BMP2K: variants seen among roughly 807,000 people sequenced by gnomAD.
The protein encoded by BMP2K is BMP-2-inducible protein kinase.
In BMP2K, 74 loss-of-function variants were observed where a neutral mutation model predicts 116.0. That is an observed-to-expected ratio of 0.64 (90% CI 0.53 to 0.77). The LOEUF (loss-of-function observed/expected upper bound fraction) is 0.77, where lower values mean the gene tolerates loss of function less well. BMP2K is among the 30% of genes least tolerant of loss of function. The probability of loss-of-function intolerance (pLI) is 0.00; values close to 1 mark genes in which losing one functional copy is unlikely to be tolerated. For missense variants in BMP2K, 1,365 were observed against 1,403.6 expected (o/e 0.97, Z 0.44); for synonymous variants, 486 against 502.5 (o/e 0.97, Z 0.44).
At chr4:78,796,096 G>A (rs1440644891) in intron 1 of BMP2K, among the ~76,000 whole-genome samples, 1 of 152,142 alleles carries the variant, frequency 6.6e-6, no homozygotes, top group Admixed American at 6.6e-5. Context: ...GCACACGTAT[G>A]TTTATCGCAG....
At position 78,870,925 on chromosome 4, in the gene BMP2K, T is replaced by C. The variant is rs1560537915; in HGVS notation, c.1374T>C (p.Pro458=). The C allele has an allele frequency of 1.2e-6, 2 of 1,608,554 alleles. No homozygotes were observed. Among genetic ancestry groups the C allele is most frequent in the South Asian group, 2.2e-5 (2 of 90,956 alleles). The change falls in exon 11 of 16, where the codon CCT becomes CCC. Residue 458 remains proline, a synonymous_variant. Coordinates refer to ENST00000502613, the MANE Select transcript of BMP2K (RefSeq NM_198892.2). ...AACTCCATTTACAGCATCGTCATCC[T>C]CACCAGCAGCAGCAGCAGCAGCAGC... The part of the protein sequence containing the change: ...LQQLHLQHRH[P]HQQQQQQQQQ...
At chr4:78,851,838 TA>T (rs1327101084) in intron 7 of BMP2K, among the ~76,000 whole-genome samples, 1 of 152,108 alleles carries the variant, frequency 6.6e-6, no homozygotes, top group Non-Finnish European at 1.5e-5. Flanking sequence ...ATTTATAAGC[TA>T]GACATTTAAT....
Position 78,911,393 on chromosome 4 carries a change from G to A in BMP2K, c.2846G>A (p.Ser949Asn). 6.2e-7 allele frequency: 1 copy of A among 1,614,018 alleles called. No individual in the cohort carries two copies. Among genetic ancestry groups the A allele is most frequent in the Non-Finnish European group, 8.5e-7 (1 of 1,179,890 alleles). The change falls in exon 16 of 16, where the codon AGC becomes AAC. Residue 949 changes from serine to asparagine, a missense_variant. By Grantham distance (46) the Ser-to-Asn change is conservative. Transcript: ENST00000502613. Reference sequence around the variant, plus strand: ...CTCACATCAACAAGTAAAAGTGAAAGCAATGAGGACCTTTTTGGGCTTGTG... The same window carrying A: ...CTCACATCAACAAGTAAAAGTGAAAACAATGAGGACCTTTTTGGGCTTGTG... ...PFLTSTSKSESNEDLFGLVPF... is the reference protein window; with the variant it reads ...PFLTSTSKSENNEDLFGLVPF...
intron 13 of BMP2K, among the ~76,000 whole-genome samples, chr4:78,873,656 CTCTGTG>C (rs1455805011): frequency 7.2e-6 from 1 of 138,086 alleles, no homozygotes; most frequent in Non-Finnish European, 1.6e-5. Context: ...GCCTCCCAAC[CTCTGTG>C]TGTGTGTGTG....
At chr4:78,888,960 G>A (rs1014399483) in intron 15 of BMP2K, among the ~76,000 whole-genome samples, 3 of 152,130 alleles carry the variant, frequency 2.0e-5, no homozygotes, top group African/African-American at 4.8e-5. Context: ...GGTGGCTTGC[G>A]CCTGTAATCC....
At chr4:78,829,327 T>C (rs1363995372) in intron 2 of BMP2K, among the ~76,000 whole-genome samples, 1 of 152,170 alleles carries the variant, frequency 6.6e-6, no homozygotes, top group Non-Finnish European at 1.5e-5. Context: ...CTATCTTTGC[T>C]CATTCATAAG....
chr4:78,872,323 TTTTTTTA>T (rs1412733207), intron 12 of BMP2K: 3 of 206,882 alleles, frequency 1.5e-5, no homozygotes, highest in African/African-American at 5.9e-5. Flanking sequence ...TTTTTTTTTT[TTTTTTTA>T]ACAGCAACCA....
intron 2 of BMP2K, among the ~76,000 whole-genome samples, chr4:78,832,560 A>C (rs1730259647): frequency 1.3e-5 from 2 of 152,136 alleles, no homozygotes; most frequent in Admixed American, 1.3e-4. Flanking sequence ...AAGGGTGAAA[A>C]GATTTACCTC....
chr4:78,776,839 C>T (rs1225005931), intron 1 of BMP2K, 118 bp downstream of exon 1: 18 of 992,538 alleles, frequency 1.8e-5, no homozygotes, highest in Admixed American at 9.3e-5. Context: ...CCTCTGCTGC[C>T]GGGCCAGCGG....
chr4:78,895,850 C>T (rs1733673511), intron 15 of BMP2K, among the ~76,000 whole-genome samples: 1 of 151,384 alleles, frequency 6.6e-6, no homozygotes, highest in African/African-American at 2.5e-5. Flanking sequence ...CAACCTTGAA[C>T]TCCTGAGCTC....
intron 1 of BMP2K, among the ~76,000 whole-genome samples, chr4:78,798,354 C>G (rs1680404964): frequency 6.6e-6 from 1 of 152,094 alleles, no homozygotes; most frequent in Admixed American, 6.6e-5. Context: ...TGTGAGAAAC[C>G]TAAGTGTTTC....
chr4:78,910,849 G>C lies in BMP2K; in HGVS notation c.2302G>C (p.Glu768Gln), dbSNP rs753081289. ...AGATGATGAAGAAGTTCTTCAGGGG[G>C]AACAAGGAGATTTTAATGATGATGA... is the stretch of plus-strand genomic sequence containing the variant. ...EQDDEEVLQG[E>Q]QGDFNDDDTE... is the part of the protein sequence containing the mutation. Residue 768 changes from glutamate to glutamine, a missense_variant, in exon 16 of 16, where the codon GAA becomes CAA. Glu to Gln is a conservative substitution (Grantham distance 29, BLOSUM62 2). Coordinates refer to ENST00000502613, the MANE Select transcript of BMP2K (RefSeq NM_198892.2). 6.8e-6 allele frequency: 11 copies of C among 1,613,838 alleles called. No individual in the cohort carries two copies. The Admixed American group carries it at 8.3e-5, about 12-fold the overall frequency.
intron 15 of BMP2K, among the ~76,000 whole-genome samples, chr4:78,891,866 A>C (rs1489450630): frequency 1.3e-5 from 2 of 152,154 alleles, no homozygotes; most frequent in Non-Finnish European, 2.9e-5. Flanking sequence ...GAAATCCTTT[A>C]GTTTGATACA....
chr4:78,787,418 G>A (rs963999844), intron 1 of BMP2K, among the ~76,000 whole-genome samples: 15 of 152,152 alleles, frequency 9.9e-5, no homozygotes, highest in Non-Finnish European at 2.1e-4. Context: ...GTACTGCATT[G>A]CTTGTATTTG....
At chr4:78,889,054 T>C (rs542109282) in intron 15 of BMP2K, among the ~76,000 whole-genome samples, 56 of 152,036 alleles carry the variant, frequency 3.7e-4, no homozygotes, top group African/African-American at 1.3e-3. Context: ...ACCCCATCTC[T>C]ACTAAAAATA....
chr4:78,829,783 T>TTCTTTTCTTTTCTTTTC (rs1553915833), intron 2 of BMP2K, among the ~76,000 whole-genome samples: 117 of 110,792 alleles, frequency 1.1e-3, no homozygotes, highest in Middle Eastern at 4.1e-3. Flanking sequence ...TTCTTTTCTT[T>TTCTTTTCTTTTCTTTTC]TCTTTTCTCT....
At chr4:78,895,676 T>C (rs932849051) in intron 15 of BMP2K, among the ~76,000 whole-genome samples, 1 of 152,160 alleles carries the variant, frequency 6.6e-6, no homozygotes, top group African/African-American at 2.4e-5. Flanking sequence ...ATATCTATTG[T>C]TAAAGAAAAA....
chr4:78,863,133 T>A (rs956555830), intron 9 of BMP2K, among the ~76,000 whole-genome samples: 66 of 152,188 alleles, frequency 4.3e-4, no homozygotes, highest in African/African-American at 1.4e-3. Context: ...CTATTAAAAT[T>A]CACAGTGCTT....
Position 78,903,639 on chromosome 4 carries a change from T to C in BMP2K, c.2063-6971T>C, listed in dbSNP as rs568383045. Reference sequence around the variant, plus strand: ...TGGATTTTGTAAAGTTGAGTATTCTTTTGTTTGTTGATAAAGCCTTATAGT... The same window carrying C: ...TGGATTTTGTAAAGTTGAGTATTCTCTTGTTTGTTGATAAAGCCTTATAGT... On this transcript the variant is annotated intron_variant, in intron 15 of 15. Transcript: ENST00000502613. Among the ~76,000 whole-genome samples, 13 of 152,106 alleles carry C rather than the reference T, an allele frequency of 8.5e-5. No individual in the cohort carries two copies. In the East Asian group the frequency reaches 2.5e-3, roughly 29 times the overall value.
Sources: allele counts gnomAD v4.1 joint callset (sites outside exome capture counted in the v4.1 genomes callset), GRCh38; gene constraint gnomAD v4.1.1; transcripts MANE v1.5; gene names NCBI Gene and HGNC (gene_info 2026-07-23, HGNC 2026-07-21).